The following MAPKAPK5 variants were observed in gnomAD, a reference collection of about 807,000 sequenced individuals.
The protein encoded by MAPKAPK5 is MAPK activated protein kinase 5.
A neutral mutation model predicts 65.1 loss-of-function variants in MAPKAPK5; 30 were observed. That is an observed-to-expected ratio of 0.46 (90% CI 0.34 to 0.63). MAPKAPK5 has a LOEUF of 0.63. Among genes scored for constraint, MAPKAPK5 ranks in the 20% least tolerant of loss-of-function variants. The pLI, the probability that MAPKAPK5 is intolerant of heterozygous loss-of-function variation, is 0.01. For synonymous variants in MAPKAPK5, 179 were observed against 204.6 expected, an observed-to-expected ratio of 0.87 and a Z score of 1.07; for missense variants, 433 against 581.4, an observed-to-expected ratio of 0.74 and a Z score of 2.63.
intron 1 of MAPKAPK5, among the ~76,000 whole-genome samples, chr12:111,851,657 T>C (rs1026850999): frequency 6.6e-6 from 1 of 152,194 alleles, no homozygotes; most frequent in African/African-American, 2.4e-5. Flanking sequence ...CATGGGATAC[T>C]CTGGAAAAGA....
intron 10 of MAPKAPK5, among the ~76,000 whole-genome samples, chr12:111,887,091 G>A (rs2070430107): frequency 6.6e-6 from 1 of 152,186 alleles, no homozygotes; most frequent in Non-Finnish European, 1.5e-5. Flanking sequence ...TCAAATGAAT[G>A]AGATTTATAG....
chr12:111,872,085 C>G (rs1401438200), intron 7 of MAPKAPK5, among the ~76,000 whole-genome samples: 1 of 152,150 alleles, frequency 6.6e-6, no homozygotes, highest in Non-Finnish European at 1.5e-5. Context: ...CATTCACTGA[C>G]AGGATTTTGG....
At chr12:111,862,070 A>C (rs2069457849) in intron 1 of MAPKAPK5, among the ~76,000 whole-genome samples, 1 of 146,906 alleles carries the variant, frequency 6.8e-6, no homozygotes, top group Non-Finnish European at 1.5e-5. Context: ...GTTTTAATTG[A>C]CCATGCCTTC....
chr12:111,896,067 G>GA lies in MAPKAPK5; in HGVS notation c.*3013dup, dbSNP rs2070802103. 1 of 152,096 alleles carries GA rather than the reference G, an allele frequency of 6.6e-6. No individual in the cohort carries two copies. The highest frequency in any genetic ancestry group is 1.9e-4 in the East Asian group (1 of 5,190). The allele number at this position is 152,096 out of a possible 1,614,324, so 9.4% of individuals were successfully genotyped here. On this transcript the variant is annotated 3_prime_UTR_variant, in exon 14 of 14. Transcript: ENST00000550735. ...GCAGAGGTTCAGTATTCCATGGGGA[G>GA]AAAAAAACAGTAATTATCTTTGTTA...
rs377746987 is a variant in MAPKAPK5 at position 111,842,764 on chromosome 12, A to G, written c.31A>G (p.Ile11Val). 21 of 1,339,308 alleles carry G rather than the reference A, an allele frequency of 1.6e-5. No individual in the cohort carries two copies. The highest frequency in any genetic ancestry group is 2.0e-4 in the Middle Eastern group (1 of 5,026). The allele number at this position is 1,339,308 out of a possible 1,614,324, so 83.0% of individuals were successfully genotyped here. A position where few individuals can be genotyped will look rare whatever the true frequency, so the allele number is the denominator to read the frequency against. Residue 11 changes from isoleucine to valine, a missense_variant, in exon 1 of 14, where the codon ATC becomes GTC. Ile to Val is a conservative substitution (Grantham distance 29). Coordinates refer to ENST00000550735, the MANE Select transcript of MAPKAPK5 (RefSeq NM_003668.4). MSEESDMDKA[I>V]KETSILEEYS... ...GGAGGAGAGCGACATGGACAAAGCC[A>G]TCAAGGTAAGGGGGAGGTGCCCCCT...
At position 111,899,795 on chromosome 12, in the gene MAPKAPK5, T is replaced by C. The variant is rs2070959637; in HGVS notation, c.*6734T>C. 2.6e-6 allele frequency: 1 copy of C among 391,008 alleles called. No individual in the cohort carries two copies. The highest frequency in any genetic ancestry group is 5.2e-6 in the Non-Finnish European group (1 of 190,930). 24.2% of individuals were successfully genotyped at this position (391,008 alleles called of 1,614,324 possible). On this transcript the variant is annotated 3_prime_UTR_variant, in exon 14 of 14. Coordinates refer to ENST00000550735, the MANE Select transcript of MAPKAPK5 (RefSeq NM_003668.4). ...CATCCTCCTGATTAAGGAGGAAAAA[T>C]CTTACAGCATTGAGCCCATGGACTC...
At position 111,896,554 on chromosome 12, in the gene MAPKAPK5, G is replaced by C. The variant is rs1342856707; in HGVS notation, c.*3493G>C. On this transcript the variant is annotated 3_prime_UTR_variant, in exon 14 of 14. Transcript: ENST00000550735. Reference sequence around the variant, plus strand: ...GCTACTCGAAATTTGCACATAACTGGAAGTGAAACGATATCTTTCTCATAT... The same window carrying C: ...GCTACTCGAAATTTGCACATAACTGCAAGTGAAACGATATCTTTCTCATAT... The C allele has an allele frequency of 6.6e-6, 1 of 152,320 alleles. No homozygotes were observed. The highest frequency in any genetic ancestry group is 1.9e-4 in the East Asian group (1 of 5,188). 9.4% of individuals were successfully genotyped at this position (152,320 alleles called of 1,614,324 possible).
chr12:111,859,447 T>G (rs1165240720), intron 1 of MAPKAPK5, among the ~76,000 whole-genome samples: 4 of 151,432 alleles, frequency 2.6e-5, no homozygotes, highest in Admixed American at 2.0e-4. Context: ...CCCAGCTAAT[T>G]TTTGTATTCT....
chr12:111,848,761 G>A (rs569055173), intron 1 of MAPKAPK5, among the ~76,000 whole-genome samples: 24 of 151,714 alleles, frequency 1.6e-4, no homozygotes, highest in Non-Finnish European at 2.8e-4. Context: ...ATGGAGTCTC[G>A]CTTTGTCACT....
chr12:111,857,889 T>TTG lies in MAPKAPK5; in HGVS notation c.37-7349_37-7348dup, dbSNP rs1181372239. ...TCTCTTTCTCTTTCAGTGTTTTTTT[T>TTG]TGTGTGTGTGTGTTTGTGTGTGTGT... On this transcript the variant is annotated intron_variant, in intron 1 of 13. Coordinates refer to ENST00000550735, the MANE Select transcript of MAPKAPK5 (RefSeq NM_003668.4). Among the ~76,000 whole-genome samples the TTG allele has an allele frequency of 1.1e-4, 17 of 151,798 alleles. 1 individual carries two copies. In the South Asian group the frequency reaches 2.3e-3, roughly 20 times the overall value.
At position 111,897,651 on chromosome 12, in the gene MAPKAPK5, C is replaced by T. The variant is rs2070868342; in HGVS notation, c.*4590C>T. The T allele has an allele frequency of 6.6e-6, 1 of 152,162 alleles. No individual in the cohort carries two copies. Among genetic ancestry groups the T allele is most frequent in the South Asian group, 2.1e-4 (1 of 4,826 alleles). The allele number at this position is 152,162 out of a possible 1,614,324, so 9.4% of individuals were successfully genotyped here. A position where few individuals can be genotyped will look rare whatever the true frequency, so the allele number is the denominator to read the frequency against. ...CAAGAAATACAGCTGGAAATCATTTCACTTTTCTTGCTGTAAATTTTTTTA... is the reference window on the plus strand; with the variant it reads ...CAAGAAATACAGCTGGAAATCATTTTACTTTTCTTGCTGTAAATTTTTTTA... On this transcript the variant is annotated 3_prime_UTR_variant, in exon 14 of 14. Coordinates refer to ENST00000550735, the MANE Select transcript of MAPKAPK5 (RefSeq NM_003668.4).
intron 10 of MAPKAPK5, 127 bp downstream of exon 10, chr12:111,886,163 T>A: frequency 7.3e-7 from 1 of 1,361,540 alleles, no homozygotes; most frequent in Non-Finnish European, 1.0e-6. Context: ...GAAACATCTC[T>A]GGTTTCCTGA....
chr12:111,872,022 T>TTTTCATTGCCAAGTAGTA (rs372819220), intron 7 of MAPKAPK5, among the ~76,000 whole-genome samples: 159 of 152,356 alleles, frequency 1.0e-3, no homozygotes, highest in African/African-American at 3.7e-3. Flanking sequence ...CGTTAATTCC[T>TTTTCATTGCCAAGTAGTA]TTTCATTGCC....
At chr12:111,849,197 C>T (rs897306501) in intron 1 of MAPKAPK5, among the ~76,000 whole-genome samples, 1 of 151,040 alleles carries the variant, frequency 6.6e-6, no homozygotes, top group Admixed American at 6.6e-5. Flanking sequence ...CTGCCTGCCT[C>T]AGCCTCCTGA....
intron 7 of MAPKAPK5, among the ~76,000 whole-genome samples, chr12:111,876,201 A>G (rs1436248573): frequency 7.4e-6 from 1 of 135,500 alleles, no homozygotes; most frequent in Non-Finnish European, 1.5e-5. Flanking sequence ...GCGAGACTCC[A>G]TCTCAAAAAA....
intron 1 of MAPKAPK5, among the ~76,000 whole-genome samples, chr12:111,864,476 A>G (rs2069540458): frequency 1.3e-5 from 2 of 152,202 alleles, no homozygotes; most frequent in South Asian, 4.1e-4. Flanking sequence ...CTGGGATTAC[A>G]GGTGTGAGCC....
At position 111,881,482 on chromosome 12, in the gene MAPKAPK5, G is replaced by C. The variant is rs187072722; in HGVS notation, c.660+955G>C. The stretch of plus-strand genomic sequence containing the variant: ...TGCAGTGGCACAATCTCGGCTCACT[G>C]CAACCTCCGCCTCCCGGGTTCAAGC... On this transcript the variant is annotated intron_variant, in intron 8 of 13. Coordinates refer to ENST00000550735, the MANE Select transcript of MAPKAPK5 (RefSeq NM_003668.4). Among the ~76,000 whole-genome samples the C allele has an allele frequency of 2.4e-3, 354 of 147,128 alleles. 1 individual carries two copies. The highest frequency in any genetic ancestry group is 8.5e-3 in the African/African-American group (335 of 39,506).
At chr12:111,890,297 C>T (rs2070559165) in intron 13 of MAPKAPK5, among the ~76,000 whole-genome samples, 153 bp downstream of exon 13, 1 of 152,174 alleles carries the variant, frequency 6.6e-6, no homozygotes, top group African/African-American at 2.4e-5. Context: ...TGGGGGTTAG[C>T]TCTACATTAA....
At chr12:111,877,681 C>T (rs2070035606) in intron 7 of MAPKAPK5, among the ~76,000 whole-genome samples, 2 of 151,792 alleles carry the variant, frequency 1.3e-5, no homozygotes, top group Non-Finnish European at 2.9e-5. Context: ...GATATGAATT[C>T]CTTTCTTTTT....
Sources: gnomAD v4.1 joint callset for allele counts (sites outside exome capture counted in the v4.1 genomes callset) on GRCh38, gnomAD v4.1.1 for gene constraint, MANE v1.5 for transcripts, NCBI Gene and HGNC (gene_info 2026-07-23, HGNC 2026-07-21) for gene names.